Variants in KIFAP3 observed in about 807,000 individuals in gnomAD.
The protein encoded by KIFAP3 is kinesin-associated protein 3.
KIFAP3 carries 68 observed loss-of-function variants against 106.5 expected under a neutral mutation model. The observed-to-expected ratio is 0.64, with a 90% CI of 0.53 to 0.78. The LOEUF (loss-of-function observed/expected upper bound fraction) is 0.78, where lower values mean the gene tolerates loss of function less well. Ranked by LOEUF, KIFAP3 falls within the 30% of genes least tolerant of loss-of-function variation. KIFAP3 has a pLI of 0.00. For synonymous variants in KIFAP3, 320 were observed against 311.5 expected, an observed-to-expected ratio of 1.03 and a Z score of -0.29; for missense variants, 780 against 941.8, an observed-to-expected ratio of 0.83 and a Z score of 2.25.
At chr1:169,922,950 T>G (rs553567788) in intron 19 of KIFAP3, 1 of 257,832 alleles carries the variant, frequency 3.9e-6, no homozygotes, top group South Asian at 1.5e-4. Context: ...ATTAAAATGT[T>G]AAGGTTTTAA....
Position 170,003,838 on chromosome 1 carries a change from T to C in KIFAP3, c.1184-11583A>G, listed in dbSNP as rs1387991405. The stretch of plus-strand genomic sequence containing the variant: ...CCTCTCTTACCACTCCAATTCAATG[T>C]AGTGTTGGAAGTTCTGGCCAGGGCA... On this transcript the variant is annotated intron_variant, in intron 10 of 19. Transcript: ENST00000361580. 4.6e-5 allele frequency among the ~76,000 whole-genome samples: 7 copies of C among 152,154 alleles called. No individual in the cohort carries two copies. In the East Asian group the frequency reaches 1.3e-3, roughly 29 times the overall value.
intron 10 of KIFAP3, 144 bp downstream of exon 10, chr1:170,016,318 T>A (rs1019692239): frequency 9.6e-6 from 6 of 623,250 alleles, no homozygotes; most frequent in Non-Finnish European, 1.6e-5. Flanking sequence ...TTTTACTTAC[T>A]CTGCTTATTT....
intron 8 of KIFAP3, among the ~76,000 whole-genome samples, chr1:170,027,770 T>C (rs183727282): frequency 2.2e-3 from 329 of 152,166 alleles, no homozygotes; most frequent in Middle Eastern, 6.8e-3. Context: ...TTTCCAAATT[T>C]AGTGAAAATT....
intron 1 of KIFAP3, among the ~76,000 whole-genome samples, chr1:170,070,379 A>T (rs775666651): frequency 6.6e-6 from 1 of 152,174 alleles, no homozygotes; most frequent in Non-Finnish European, 1.5e-5. Flanking sequence ...TGGAGGACTC[A>T]CACTTCTGGA....
intron 8 of KIFAP3, among the ~76,000 whole-genome samples, chr1:170,026,806 G>A (rs1284880187): frequency 1.3e-5 from 2 of 152,154 alleles, no homozygotes; most frequent in Non-Finnish European, 2.9e-5. Context: ...AGTGGGTAGA[G>A]CCCTGAGAAG....
chr1:170,030,393 C>T lies in KIFAP3; in HGVS notation c.841+1493G>A, dbSNP rs181156595. Among the ~76,000 whole-genome samples the T allele has an allele frequency of 2.0e-5, 3 of 151,904 alleles. No homozygotes were observed. The East Asian group carries it at 5.8e-4, about 29-fold the overall frequency. The stretch of plus-strand genomic sequence containing the variant: ...TACATTCATGGTGAGAATATAAAAA[C>T]AACTATTATAGAAAAACATTTGGCA... On this transcript the variant is annotated intron_variant, in intron 8 of 19. Coordinates refer to ENST00000361580, the MANE Select transcript of KIFAP3 (RefSeq NM_014970.4).
chr1:170,035,361 G>T, intron 6 of KIFAP3, 93 bp downstream of exon 6: 1 of 688,006 alleles, frequency 1.5e-6, no homozygotes, highest in South Asian at 2.3e-5. Context: ...CAGAAAAACT[G>T]AGAGAACAAG....
At chr1:170,042,064 G>C (rs1670009382) in intron 3 of KIFAP3, among the ~76,000 whole-genome samples, 1 of 152,198 alleles carries the variant, frequency 6.6e-6, no homozygotes, top group Admixed American at 6.5e-5. Context: ...CGGGTGGAAA[G>C]GGGGGTCTGT....
At chr1:169,947,556 T>C (rs1558186631) in intron 19 of KIFAP3, among the ~76,000 whole-genome samples, 2 of 151,694 alleles carry the variant, frequency 1.3e-5, no homozygotes, top group African/African-American at 2.4e-5. Flanking sequence ...CATTCAATGA[T>C]ATTTTTTTAA....
At chr1:169,993,389 C>T (rs1023969570) in intron 10 of KIFAP3, among the ~76,000 whole-genome samples, 5 of 151,500 alleles carry the variant, frequency 3.3e-5, no homozygotes, top group Admixed American at 3.3e-4. Flanking sequence ...GGATTACAGG[C>T]GTGAGCCACC....
At chr1:169,950,858 A>G (rs549537) in intron 19 of KIFAP3, among the ~76,000 whole-genome samples, 9,853 of 152,094 alleles carry the variant, frequency 0.065, 414 homozygotes, top group Non-Finnish European at 0.097. Flanking sequence ...AAAATTTCAC[A>G]TTATGCAGCA....
intron 17 of KIFAP3, among the ~76,000 whole-genome samples, chr1:169,971,947 G>A (rs1441047838): frequency 6.6e-6 from 1 of 151,926 alleles, no homozygotes. Flanking sequence ...CTGGCAATAA[G>A]TCTGCATGGT....
chr1:170,041,866 G>C (rs1240780062), intron 3 of KIFAP3: 1 of 1,387,314 alleles, frequency 7.2e-7, no homozygotes, highest in Non-Finnish European at 9.4e-7. Context: ...TGTTTAAGGG[G>C]AATTTCCCCA....
chr1:169,978,837 A>G (rs933161601), intron 15 of KIFAP3, among the ~76,000 whole-genome samples: 2 of 152,130 alleles, frequency 1.3e-5, no homozygotes, highest in Non-Finnish European at 2.9e-5. Context: ...AGGTCAACAG[A>G]GTATCAAACC....
intron 1 of KIFAP3, among the ~76,000 whole-genome samples, chr1:170,084,645 G>A (rs1672074785): frequency 6.6e-6 from 1 of 152,072 alleles, no homozygotes; most frequent in South Asian, 2.1e-4. Flanking sequence ...TATAGAGAAA[G>A]GCAATAGTAC....
intron 1 of KIFAP3, among the ~76,000 whole-genome samples, chr1:170,056,110 T>C (rs1160997498): frequency 2.7e-5 from 4 of 148,604 alleles, no homozygotes; most frequent in Non-Finnish European, 6.0e-5. Context: ...TCTGTCTCCA[T>C]TAAAAAAAAA....
At chr1:169,955,427 G>T (rs1664958045) in intron 18 of KIFAP3, among the ~76,000 whole-genome samples, 1 of 152,154 alleles carries the variant, frequency 6.6e-6, no homozygotes, top group South Asian at 2.1e-4. Flanking sequence ...AATAAGTGTG[G>T]AGGCAGTAAA....
chr1:170,058,327 G>C (rs1670955801), intron 1 of KIFAP3, among the ~76,000 whole-genome samples: 1 of 152,142 alleles, frequency 6.6e-6, no homozygotes, highest in African/African-American at 2.4e-5. Flanking sequence ...AACAGTTGTA[G>C]ATTTACGCCA....
rs1664348409 is a variant in KIFAP3 at position 169,944,895 on chromosome 1, A to T, written c.2273+9116T>A. On this transcript the variant is annotated intron_variant, in intron 19 of 19. Coordinates refer to ENST00000361580, the MANE Select transcript of KIFAP3 (RefSeq NM_014970.4). ...CCATGGACAGGGCCAGAAAAAGTAC[A>T]AGTTCTCACTTTGGGTGGGAGACTC... Among the ~76,000 whole-genome samples the T allele has an allele frequency of 4.6e-5, 7 of 152,142 alleles. No individual in the cohort carries two copies. The South Asian group carries it at 1.5e-3, about 32-fold the overall frequency.
Sources: gnomAD v4.1 joint callset for allele counts (sites outside exome capture counted in the v4.1 genomes callset) on GRCh38, gnomAD v4.1.1 for gene constraint, MANE v1.5 for transcripts, NCBI Gene and HGNC (gene_info 2026-07-23, HGNC 2026-07-21) for gene names.